Variants in AFG2A observed in about 807,000 individuals in gnomAD.
The protein encoded by AFG2A is AAA ATPase AFG2A.
chr4:123,193,948 CTT>C, the AFG2A span, among the ~76,000 whole-genome samples: 1 of 152,108 alleles, frequency 6.6e-6, no homozygotes, highest in Non-Finnish European at 1.5e-5. Context: ...GAAAATGAGA[CTT>C]AATGACATAT....
the AFG2A span, among the ~76,000 whole-genome samples, chr4:122,976,124 A>G: frequency 6.6e-6 from 1 of 152,224 alleles, no homozygotes; most frequent in Non-Finnish European, 1.5e-5. Context: ...GTTTTGAACA[A>G]GAAAGGTTAA....
the AFG2A span, among the ~76,000 whole-genome samples, chr4:123,050,392 G>T: frequency 6.6e-6 from 1 of 152,128 alleles, no homozygotes; most frequent in Admixed American, 6.6e-5. Flanking sequence ...TCAAAGTGGG[G>T]CATTGCGGTC....
At chr4:123,258,858 CTTTTTTTTTTTTT>C in the AFG2A span, among the ~76,000 whole-genome samples, 1 of 90,316 alleles carries the variant, frequency 1.1e-5, no homozygotes, top group Non-Finnish European at 2.1e-5. Context: ...GATACTGGTA[CTTTTTTTTTTTTT>C]TTTTTTTTTT....
the AFG2A span, among the ~76,000 whole-genome samples, chr4:122,935,014 T>A: frequency 4.6e-5 from 7 of 152,310 alleles, no homozygotes; most frequent in African/African-American, 1.7e-4. Flanking sequence ...AAGTATCTTG[T>A]CATGCTGGGT....
the AFG2A span, among the ~76,000 whole-genome samples, chr4:122,964,368 G>A: frequency 6.6e-6 from 1 of 151,966 alleles, no homozygotes; most frequent in Non-Finnish European, 1.5e-5. Context: ...GCCGGGTGTG[G>A]TGGCACATGC....
chr4:123,312,901 CTT>C, the AFG2A span, among the ~76,000 whole-genome samples: 1 of 152,186 alleles, frequency 6.6e-6, no homozygotes, highest in Non-Finnish European at 1.5e-5. Context: ...CAGAGGAACT[CTT>C]TTCAGTGAGT....
the AFG2A span, among the ~76,000 whole-genome samples, chr4:123,029,405 C>G: frequency 6.6e-6 from 1 of 152,158 alleles, no homozygotes; most frequent in Admixed American, 6.5e-5. Flanking sequence ...ACATTGAAAT[C>G]ATTGGCAGTT....
chr4:123,085,917 C>G, the AFG2A span, among the ~76,000 whole-genome samples: 1 of 151,728 alleles, frequency 6.6e-6, no homozygotes, highest in Non-Finnish European at 1.5e-5. Flanking sequence ...TATATTTCTA[C>G]TTTCAAATAG....
the AFG2A span, among the ~76,000 whole-genome samples, chr4:123,181,019 C>A: frequency 7.3e-6 from 1 of 136,504 alleles, no homozygotes; most frequent in African/African-American, 2.6e-5. Flanking sequence ...GAGTCTCACT[C>A]TGTCACCCAG....
At chr4:123,005,528 G>A in the AFG2A span, among the ~76,000 whole-genome samples, 14 of 151,860 alleles carry the variant, frequency 9.2e-5, no homozygotes, top group South Asian at 2.1e-4. Context: ...CCTTCTGTTT[G>A]CTTTATGCTA....
At chr4:123,146,758 T>C in the AFG2A span, among the ~76,000 whole-genome samples, 2 of 149,630 alleles carry the variant, frequency 1.3e-5, no homozygotes, top group African/African-American at 4.9e-5. Context: ...TTTTATTCTT[T>C]CAGATCACAA....
the AFG2A span, among the ~76,000 whole-genome samples, chr4:123,111,165 AT>A: frequency 6.6e-6 from 1 of 150,740 alleles, no homozygotes; most frequent in Non-Finnish European, 1.5e-5. Flanking sequence ...GCCAACCTGT[AT>A]TTTTTTTTCA....
the AFG2A span, among the ~76,000 whole-genome samples, chr4:123,034,084 CA>C: frequency 6.6e-6 from 1 of 150,650 alleles, no homozygotes; most frequent in African/African-American, 2.5e-5. Flanking sequence ...TTTTTTAATA[CA>C]TTTTTTTTTC....
At chr4:123,184,843 G>C in the AFG2A span, among the ~76,000 whole-genome samples, 1 of 152,094 alleles carries the variant, frequency 6.6e-6, no homozygotes, top group South Asian at 2.1e-4. Context: ...GCCCCAGCAT[G>C]ATCATTTCTA....
chr4:123,189,483 G>T, the AFG2A span, among the ~76,000 whole-genome samples: 2 of 151,936 alleles, frequency 1.3e-5, no homozygotes, highest in Non-Finnish European at 2.9e-5. Context: ...TTCCAACTTA[G>T]TTGAAACACA....
the AFG2A span, chr4:123,028,225 C>G: frequency 3.7e-6 from 6 of 1,614,046 alleles, no homozygotes; most frequent in Non-Finnish European, 4.2e-6. Flanking sequence ...AAGTATCAAA[C>G]TGAAGTTGGA....
At chr4:123,084,590 ATGTG>A in the AFG2A span, among the ~76,000 whole-genome samples, 76 of 143,298 alleles carry the variant, frequency 5.3e-4, no homozygotes, top group South Asian at 3.5e-3. Context: ...GTATATATAT[ATGTG>A]TGTGTGTGTG....
chr4:122,948,160 C>G, the AFG2A span, among the ~76,000 whole-genome samples: 2 of 152,008 alleles, frequency 1.3e-5, no homozygotes, highest in Non-Finnish European at 2.9e-5. Context: ...CCCTGACCCC[C>G]AAGTTGTTGA....
the AFG2A span, among the ~76,000 whole-genome samples, chr4:123,163,411 C>T: frequency 6.6e-6 from 1 of 152,162 alleles, no homozygotes; most frequent in African/African-American, 2.4e-5. Context: ...GGCTGCATTC[C>T]AGCCTGGGCT....
Sources: allele counts gnomAD v4.1 joint callset (sites outside exome capture counted in the v4.1 genomes callset), GRCh38; gene constraint gnomAD v4.1.1; transcripts MANE v1.5; gene names NCBI Gene and HGNC (gene_info 2026-07-23, HGNC 2026-07-21).